Variants in FOXK1 observed in about 807,000 individuals in gnomAD.
FOXK1 encodes forkhead box K1.
FOXK1 carries 19 observed loss-of-function variants against 51.9 expected under a neutral mutation model. The ratio of observed to expected loss-of-function variants is 0.37; its 90% CI spans 0.26 to 0.54. The LOEUF (loss-of-function observed/expected upper bound fraction) is 0.54. Ranked by LOEUF, FOXK1 falls within the 20% of genes least tolerant of loss-of-function variation. FOXK1 has a pLI of 0.87. For missense variants in FOXK1, 870 were observed against 1,032.7 expected (o/e 0.84, Z 2.16); for synonymous variants, 537 against 482.6 (o/e 1.11, Z -1.48).
chr7:4,695,733 TC>T (rs1477119859), intron 1 of FOXK1, among the ~76,000 whole-genome samples: 1 of 151,990 alleles, frequency 6.6e-6, no homozygotes, highest in Non-Finnish European at 1.5e-5. Flanking sequence ...GGTCGGGAGT[TC>T]GAGACCAGCC....
Position 4,745,679 on chromosome 7 carries a change from G to A in FOXK1, c.746+4656G>A, listed in dbSNP as rs952696418. On this transcript the variant is annotated intron_variant, in intron 2 of 8. Transcript: ENST00000328914. The surrounding 1 kb of genome is among the most constrained non-coding windows in gnomAD (Gnocchi z 4.3). The stretch of plus-strand genomic sequence containing the variant: ...AGCACTTTGGGAGGCTGAGGCAGGC[G>A]GATCACCTGAGGTCAGGAGTTCGAG... Among the ~76,000 whole-genome samples, 4 of 152,242 alleles carry A rather than the reference G, an allele frequency of 2.6e-5. No homozygotes were observed. The highest frequency in any genetic ancestry group is 7.2e-5 in the African/African-American group (3 of 41,544).
intron 1 of FOXK1, among the ~76,000 whole-genome samples, chr7:4,717,885 T>A (rs1780256440): frequency 6.6e-6 from 1 of 152,172 alleles, no homozygotes; most frequent in African/African-American, 2.4e-5. Context: ...TGGTCTCAGA[T>A]TGGGTGATGG....
In FOXK1 at chr7:4,745,235, G is replaced by T. The variant is rs888686439; in HGVS notation, c.746+4212G>T. On this transcript the variant is annotated intron_variant, in intron 2 of 8. Transcript: ENST00000328914. The surrounding 1 kb of genome is among the most constrained non-coding windows in gnomAD (Gnocchi z 4.3). ...TGCCTTCCTAATTTGGTGTGCATTCGCCTCGCCAGTCCTCATTGGCCGTGG... is the reference window on the plus strand; with the variant it reads ...TGCCTTCCTAATTTGGTGTGCATTCTCCTCGCCAGTCCTCATTGGCCGTGG... Among the ~76,000 whole-genome samples the T allele has an allele frequency of 6.6e-6, 1 of 152,252 alleles. No homozygotes were observed. The highest frequency in any genetic ancestry group is 2.4e-5 in the African/African-American group (1 of 41,558).
rs1043730150 is a variant in FOXK1 at position 4,761,732 on chromosome 7, G to A, written c.1921+444G>A. ...AAGTGGGGGGAAAGAAAACAGGGTG[G>A]AAGGAAAACCCAGATCTGCCCACTC... On this transcript the variant is annotated intron_variant, in intron 8 of 8. Coordinates refer to ENST00000328914, the MANE Select transcript of FOXK1 (RefSeq NM_001037165.2). The surrounding 1 kb of genome is among the most constrained non-coding windows in gnomAD (Gnocchi z 6.2). Among the ~76,000 whole-genome samples the A allele has an allele frequency of 1.3e-5, 2 of 152,136 alleles. No homozygotes were observed. The highest frequency in any genetic ancestry group is 2.4e-5 in the African/African-American group (1 of 41,410).
chr7:4,688,979 C>CTTTTTTT (rs565201321), intron 1 of FOXK1, among the ~76,000 whole-genome samples: 2 of 141,842 alleles, frequency 1.4e-5, no homozygotes. Context: ...CTCACCTGCA[C>CTTTTTTT]TTTTTTTTTT....
At chr7:4,686,339 T>C (rs1779817365) in intron 1 of FOXK1, among the ~76,000 whole-genome samples, 1 of 152,194 alleles carries the variant, frequency 6.6e-6, no homozygotes, top group Non-Finnish European at 1.5e-5. Flanking sequence ...ACACTTCCAG[T>C]AGAGCTCCCA....
intron 2 of FOXK1, among the ~76,000 whole-genome samples, chr7:4,746,894 G>A (rs1252053311): frequency 6.6e-6 from 1 of 152,178 alleles, no homozygotes; most frequent in Admixed American, 6.5e-5. Context: ...TGTAGGCCTT[G>A]CTGCCCCTCC....
At chr7:4,757,341 AAAG>A (rs1268149672) in intron 5 of FOXK1, among the ~76,000 whole-genome samples, 154 bp downstream of exon 5, 3 of 152,100 alleles carry the variant, frequency 2.0e-5, no homozygotes, top group Non-Finnish European at 2.9e-5. Context: ...ATTCCAAAAA[AAAG>A]AAGGCCGGCG....
intron 1 of FOXK1, among the ~76,000 whole-genome samples, chr7:4,696,849 C>T (rs1361593834): frequency 6.6e-6 from 1 of 152,150 alleles, no homozygotes; most frequent in African/African-American, 2.4e-5. Flanking sequence ...GGGTGGATCA[C>T]TTGAGGCCAG....
At chr7:4,718,384 G>A (rs185001447) in intron 1 of FOXK1, among the ~76,000 whole-genome samples, 6 of 152,202 alleles carry the variant, frequency 3.9e-5, no homozygotes, top group Non-Finnish European at 2.9e-5. Context: ...TTCAGAAGCG[G>A]GCTCGTCCGC....
At chr7:4,705,211 CAA>C (rs1189628657) in intron 1 of FOXK1, among the ~76,000 whole-genome samples, 1 of 151,354 alleles carries the variant, frequency 6.6e-6, no homozygotes, top group Non-Finnish European at 1.5e-5. Context: ...TTATTAGAGA[CAA>C]GATCTCACTC....
intron 2 of FOXK1, among the ~76,000 whole-genome samples, chr7:4,752,072 C>T (rs1324479920): frequency 2.0e-5 from 3 of 152,258 alleles, no homozygotes; most frequent in Non-Finnish European, 2.9e-5. Context: ...CCTGCCTCAG[C>T]CTCCTGAACA....
chr7:4,721,654 G>A (rs570399005), intron 1 of FOXK1, among the ~76,000 whole-genome samples: 5 of 142,252 alleles, frequency 3.5e-5, no homozygotes, highest in African/African-American at 1.3e-4. Context: ...GCAGTGGTGC[G>A]ATCTTGGCTC....
Position 4,755,091 on chromosome 7 carries a change from T to C in FOXK1, c.904-146T>C. 1.1e-6 allele frequency: 1 copy of C among 950,222 alleles called. No individual in the cohort carries two copies. Among genetic ancestry groups the C allele is most frequent in the East Asian group, 2.7e-5 (1 of 37,224 alleles). 58.9% of individuals were successfully genotyped at this position (950,222 alleles called of 1,614,324 possible). A position where few individuals can be genotyped will look rare whatever the true frequency, so the allele number is the denominator to read the frequency against. ...TCCTAGTTGAATGCAAGCACATTAA[T>C]GGGATAGTTGGAGGGCACTGGGACG... On this transcript the variant is annotated intron_variant, in intron 3 of 8. Coordinates refer to ENST00000328914, the MANE Select transcript of FOXK1 (RefSeq NM_001037165.2). This position sits in a 1 kb window ranked among gnomAD's most constrained non-coding sequence, Gnocchi z 6.6.
chr7:4,694,945 C>T (rs769201452), intron 1 of FOXK1, among the ~76,000 whole-genome samples: 4 of 152,216 alleles, frequency 2.6e-5, no homozygotes, highest in South Asian at 2.1e-4. Flanking sequence ...GAACCTCCTG[C>T]GCCTTACCAA....
chr7:4,761,970 C>A lies in FOXK1; in HGVS notation c.1922-214C>A, dbSNP rs1049405475. On this transcript the variant is annotated intron_variant, in intron 8 of 8. Transcript: ENST00000328914. This position sits in a 1 kb window ranked among gnomAD's most constrained non-coding sequence, Gnocchi z 6.2. ...TAGACAGCAATGAGAGGGGCCTCCA[C>A]CCAACAGGCTGGAGCCAGCAGAGAC... Among the ~76,000 whole-genome samples, 29 of 152,068 alleles carry A rather than the reference C, an allele frequency of 1.9e-4. No individual in the cohort carries two copies. Among genetic ancestry groups the A allele is most frequent in the Non-Finnish European group, 4.1e-4 (28 of 67,988 alleles).
chr7:4,717,585 C>T (rs373100952), intron 1 of FOXK1, among the ~76,000 whole-genome samples: 114 of 152,158 alleles, frequency 7.5e-4, no homozygotes, highest in African/African-American at 2.7e-3. Context: ...GTCTGGGCTG[C>T]GTAGCTGTAA....
intron 1 of FOXK1, among the ~76,000 whole-genome samples, chr7:4,706,096 T>C (rs1286712267): frequency 6.7e-6 from 1 of 150,048 alleles, no homozygotes; most frequent in African/African-American, 2.5e-5. Flanking sequence ...TCCATGCTTA[T>C]AGAAAATTGA....
At chr7:4,700,719 G>C (rs953338057) in intron 1 of FOXK1, among the ~76,000 whole-genome samples, 2 of 152,102 alleles carry the variant, frequency 1.3e-5, no homozygotes, top group Non-Finnish European at 2.9e-5. Flanking sequence ...GGGAGGCTGA[G>C]GGGGAAGGAT....
Sources: allele counts gnomAD v4.1 joint callset (sites outside exome capture counted in the v4.1 genomes callset), GRCh38; gene constraint gnomAD v4.1.1; non-coding constraint Gnocchi (gnomAD v3.1); transcripts MANE v1.5; gene names NCBI Gene and HGNC (gene_info 2026-07-23, HGNC 2026-07-21).